The following SPAG16 variants were observed in gnomAD, a reference collection of about 807,000 sequenced individuals.
The protein encoded by SPAG16 is sperm-associated antigen 16 protein.
SPAG16 carries 86 observed loss-of-function variants against 80.4 expected under a neutral mutation model. The observed-to-expected ratio is 1.07, with a 90% confidence interval of 0.90 to 1.28. The LOEUF (loss-of-function observed/expected upper bound fraction) is 1.28, where lower values mean the gene tolerates loss of function less well. Among genes scored for constraint, SPAG16 ranks in the 50% most tolerant of loss-of-function variants. SPAG16 has a pLI of 0.00. For missense variants in SPAG16, 870 were observed against 765.3 expected (o/e 1.14, Z -1.61); for synonymous variants, 294 against 265.9 (o/e 1.11, Z -1.03).
At chr2:213,407,417 G>A (rs73990345) in intron 9 of SPAG16, among the ~76,000 whole-genome samples, 11,219 of 151,964 alleles carry the variant, frequency 0.074, 1,364 homozygotes, top group African/African-American at 0.25. Context: ...TGGTTTACGG[G>A]GTTGAGCCTT....
intron 10 of SPAG16, among the ~76,000 whole-genome samples, chr2:213,557,501 T>G (rs2059463136): frequency 6.6e-6 from 1 of 152,044 alleles, no homozygotes; most frequent in Non-Finnish European, 1.5e-5. Flanking sequence ...CTGAAAACGT[T>G]TTAAATTGCT....
chr2:213,699,384 G>C (rs901505846), intron 10 of SPAG16, among the ~76,000 whole-genome samples: 1 of 152,048 alleles, frequency 6.6e-6, no homozygotes, highest in Admixed American at 6.6e-5. Context: ...TTTTCATTAT[G>C]ATTTATAGTA....
chr2:213,537,231 G>A (rs946892042), intron 10 of SPAG16, among the ~76,000 whole-genome samples: 2 of 151,536 alleles, frequency 1.3e-5, no homozygotes, highest in African/African-American at 4.9e-5. Context: ...GTTAATGGGT[G>A]CAGCACACCA....
intron 5 of SPAG16, among the ~76,000 whole-genome samples, chr2:213,329,823 A>T (rs2064009205): frequency 6.6e-6 from 1 of 152,156 alleles, no homozygotes; most frequent in Non-Finnish European, 1.5e-5. Context: ...AGGAAAAAAT[A>T]GTTCTATGGG....
At chr2:213,460,586 A>T (rs1431206971) in intron 9 of SPAG16, among the ~76,000 whole-genome samples, 10 of 152,192 alleles carry the variant, frequency 6.6e-5, no homozygotes, top group African/African-American at 2.4e-5. Flanking sequence ...AATAATTTAA[A>T]CAAGGTTATC....
chr2:214,020,126 C>G (rs2047787047), intron 13 of SPAG16, among the ~76,000 whole-genome samples: 1 of 151,916 alleles, frequency 6.6e-6, no homozygotes, highest in South Asian at 2.1e-4. Flanking sequence ...GAAAGTGGAG[C>G]CTGAGGAAGT....
rs2064049196 is a variant in SPAG16, at chr2:213,330,542, C to T, written c.537-9621C>T. Among the ~76,000 whole-genome samples the T allele has an allele frequency of 2.6e-5, 4 of 152,270 alleles. No individual in the cohort carries two copies. In the South Asian group the frequency reaches 6.2e-4, roughly 24 times the overall value. On this transcript the variant is annotated intron_variant, in intron 5 of 15. Coordinates refer to ENST00000331683, the MANE Select transcript of SPAG16 (RefSeq NM_024532.5). Reference sequence around the variant, plus strand: ...TGTATTTACCCAATGCCTGTAGCCCCGTTGTATCTAGGAAGTAACTAACTT... The same window carrying T: ...TGTATTTACCCAATGCCTGTAGCCCTGTTGTATCTAGGAAGTAACTAACTT...
At position 213,911,440 on chromosome 2, in the gene SPAG16, C is replaced by T. The variant is rs954477657; in HGVS notation, c.1215-18520C>T. Among the ~76,000 whole-genome samples, 7 of 152,128 alleles carry T rather than the reference C, an allele frequency of 4.6e-5. No individual in the cohort carries two copies. The East Asian group carries it at 1.3e-3, about 29-fold the overall frequency. On this transcript the variant is annotated intron_variant, in intron 11 of 15. Coordinates refer to ENST00000331683, the MANE Select transcript of SPAG16 (RefSeq NM_024532.5). The stretch of plus-strand genomic sequence containing the variant: ...GATTACAGGCATGTGCCACGGTGCC[C>T]TGCCAATAGTTACAAGCTCTTATGT...
At chr2:214,332,356 A>G (rs1696981673) in intron 15 of SPAG16, among the ~76,000 whole-genome samples, 1 of 152,174 alleles carries the variant, frequency 6.6e-6, no homozygotes, top group South Asian at 2.1e-4. Flanking sequence ...TTTTAATGGT[A>G]TGTTGTGCTG....
intron 10 of SPAG16, among the ~76,000 whole-genome samples, chr2:213,748,996 A>C (rs2067961147): frequency 6.6e-6 from 1 of 152,076 alleles, no homozygotes. Flanking sequence ...AAAATACAAA[A>C]GTTAGCTGGG....
At chr2:213,654,337 C>G (rs2063132697) in intron 10 of SPAG16, among the ~76,000 whole-genome samples, 1 of 149,158 alleles carries the variant, frequency 6.7e-6, no homozygotes, top group African/African-American at 2.5e-5. Context: ...CTAATGGACG[C>G]TTGAACATCT....
intron 15 of SPAG16, among the ~76,000 whole-genome samples, chr2:214,182,457 C>T (rs1276114239): frequency 1.3e-5 from 2 of 151,726 alleles, no homozygotes; most frequent in Non-Finnish European, 2.9e-5. Context: ...TAAAAAGTAA[C>T]AGCCAGTCTC....
chr2:213,815,528 A>G (rs902631656), intron 10 of SPAG16, among the ~76,000 whole-genome samples: 2 of 152,120 alleles, frequency 1.3e-5, no homozygotes, highest in African/African-American at 2.4e-5. Context: ...AAATTCTCCA[A>G]TTGTGGAAAT....
intron 10 of SPAG16, among the ~76,000 whole-genome samples, chr2:213,730,057 T>C (rs1159689535): frequency 1.3e-5 from 2 of 152,228 alleles, no homozygotes; most frequent in African/African-American, 2.4e-5. Context: ...TTTCCACTTA[T>C]GGTTCCTTGC....
intron 15 of SPAG16, among the ~76,000 whole-genome samples, chr2:214,348,830 G>T (rs1275790189): frequency 6.6e-6 from 1 of 152,170 alleles, no homozygotes; most frequent in East Asian, 1.9e-4. Context: ...ATAAGAATAT[G>T]GTAGTGGGTA....
At chr2:213,286,354 G>A (rs1390820135) in intron 1 of SPAG16, among the ~76,000 whole-genome samples, 1 of 152,100 alleles carries the variant, frequency 6.6e-6, no homozygotes, top group African/African-American at 2.4e-5. Flanking sequence ...AGTTTATTTT[G>A]CTATATTCCA....
intron 10 of SPAG16, among the ~76,000 whole-genome samples, chr2:213,659,034 CA>C (rs894805747): frequency 6.8e-5 from 10 of 147,960 alleles, no homozygotes; most frequent in Non-Finnish European, 1.5e-4. Context: ...GACTCTGTCT[CA>C]AAAAAAAACA....
At chr2:214,303,668 TAGCA>T (rs1694716014) in intron 15 of SPAG16, among the ~76,000 whole-genome samples, 1 of 152,212 alleles carries the variant, frequency 6.6e-6, no homozygotes, top group African/African-American at 2.4e-5. Flanking sequence ...ACAACACTCC[TAGCA>T]AGATCCGATA....
At chr2:214,334,708 A>G (rs942286066) in intron 15 of SPAG16, among the ~76,000 whole-genome samples, 1 of 152,196 alleles carries the variant, frequency 6.6e-6, no homozygotes, top group African/African-American at 2.4e-5. Context: ...AAGAACTGAG[A>G]TATGCCCTGC....
Sources: allele counts gnomAD v4.1 joint callset (sites outside exome capture counted in the v4.1 genomes callset), GRCh38; gene constraint gnomAD v4.1.1; transcripts MANE v1.5; gene names NCBI Gene and HGNC (gene_info 2026-07-23, HGNC 2026-07-21).